RBMS3: variants seen among roughly 807,000 people sequenced by gnomAD.
RBMS3 encodes RNA binding motif single stranded interacting protein 3, also known as RNA-binding motif, single-stranded-interacting protein 3.
Under a neutral mutation model 66.8 loss-of-function variants are expected in RBMS3, and 27 were observed. That is an observed-to-expected ratio of 0.40 (90% CI 0.30 to 0.56). RBMS3 has a LOEUF of 0.56. Ranked by LOEUF, RBMS3 falls within the 20% of genes least tolerant of loss-of-function variation. The pLI is 0.40. For synonymous variants in RBMS3, 188 were observed against 183.0 expected (o/e 1.03, Z -0.22); for missense variants, 513 against 549.5 (o/e 0.93, Z 0.66).
chr3:29,388,600 A>G (rs2039121677), intron 1 of RBMS3, among the ~76,000 whole-genome samples: 1 of 152,124 alleles, frequency 6.6e-6, no homozygotes. Context: ...TTTGAGGCAG[A>G]GTCTTGCTCT....
chr3:29,892,843 G>GTATGTATGTATGTATTTATTTATT (rs1336972891), intron 8 of RBMS3, among the ~76,000 whole-genome samples: 6 of 137,434 alleles, frequency 4.4e-5, no homozygotes, highest in Admixed American at 3.7e-4. Context: ...ATGTATGTAT[G>GTATGTATGTATGTATTTATTTATT]TATTTATTTA....
chr3:29,603,302 C>G (rs1002345650), intron 4 of RBMS3, among the ~76,000 whole-genome samples: 1 of 152,002 alleles, frequency 6.6e-6, no homozygotes, highest in Non-Finnish European at 1.5e-5. Context: ...TATCCTATCT[C>G]ATGTCTAACT....
intron 6 of RBMS3, among the ~76,000 whole-genome samples, chr3:29,781,215 C>A (rs2149410084): frequency 1.3e-5 from 2 of 150,564 alleles, no homozygotes; most frequent in African/African-American, 2.4e-5. Context: ...TCCCTCCCAC[C>A]CTTAATCATT....
chr3:29,961,596 G>A (rs1696451480), intron 12 of RBMS3, among the ~76,000 whole-genome samples: 1 of 152,002 alleles, frequency 6.6e-6, no homozygotes, highest in African/African-American at 2.4e-5. Flanking sequence ...GCAGGACTGG[G>A]GAGGCCTCGG....
intron 3 of RBMS3, among the ~76,000 whole-genome samples, chr3:29,536,340 A>T (rs1331701788): frequency 6.6e-6 from 1 of 152,228 alleles, no homozygotes; most frequent in Non-Finnish European, 1.5e-5. Context: ...AGTATTAATA[A>T]CATGCTAAAT....
Position 29,535,710 on chromosome 3 carries a change from C to CTTTTTTTTTTTTTTTTTTTTTTT in RBMS3, c.307+47220_307+47242dup, listed in dbSNP as rs149022808. 1.8e-4 allele frequency among the ~76,000 whole-genome samples: 7 copies of CTTTTTTTTTTTTTTTTTTTTTTT among 39,732 alleles called. 1 individual carries two copies. The highest frequency in any genetic ancestry group is 7.1e-4 in the African/African-American group (7 of 9,848). The allele number at this position is 39,732 out of a possible 152,430, so 26.1% of individuals were successfully genotyped here. A position where few individuals can be genotyped will look rare whatever the true frequency, so the allele number is the denominator to read the frequency against. On this transcript the variant is annotated intron_variant, in intron 3 of 14. Transcript: ENST00000383767. ...GAGTTCAATGATTGAGATCATTGCT[C>CTTTTTTTTTTTTTTTTTTTTTTT]TTTTTTTTTTTTTTTTTTTTTTTTT...
intron 3 of RBMS3, among the ~76,000 whole-genome samples, chr3:29,542,430 G>A (rs537876321): frequency 2.0e-5 from 3 of 152,094 alleles, no homozygotes; most frequent in South Asian, 2.1e-4. Context: ...GTGCAATCTC[G>A]GCTCACTGCA....
chr3:29,377,241 C>A (rs1316118616), intron 1 of RBMS3, among the ~76,000 whole-genome samples: 3 of 152,126 alleles, frequency 2.0e-5, no homozygotes, highest in African/African-American at 4.8e-5. Flanking sequence ...AGCAGCAGAG[C>A]CTCTACCAAA....
chr3:29,743,081 C>T (rs576623124), intron 5 of RBMS3, among the ~76,000 whole-genome samples: 1 of 152,160 alleles, frequency 6.6e-6, no homozygotes, highest in East Asian at 1.9e-4. Context: ...GAGCAGAATC[C>T]CATATAATTA....
At chr3:29,368,295 G>A (rs2125595697) in intron 1 of RBMS3, among the ~76,000 whole-genome samples, 1 of 152,264 alleles carries the variant, frequency 6.6e-6, no homozygotes, top group East Asian at 1.9e-4. Context: ...AATCCTATTA[G>A]TACTTAGCCT....
At chr3:29,481,827 T>G (rs1052201173) in intron 2 of RBMS3, among the ~76,000 whole-genome samples, 2 of 152,230 alleles carry the variant, frequency 1.3e-5, no homozygotes, top group Admixed American at 1.3e-4. Flanking sequence ...TATTATTTTA[T>G]GCTATACAGT....
rs976619858 is a variant in RBMS3 at position 29,739,619 on chromosome 3, G to T, written c.400-101G>T. 9 of 1,101,504 alleles carry T rather than the reference G, an allele frequency of 8.2e-6. No homozygotes were observed. The African/African-American group carries it at 9.5e-5, about 12-fold the overall frequency. 68.2% of individuals were successfully genotyped at this position (1,101,504 alleles called of 1,614,324 possible). On this transcript the variant is annotated intron_variant, in intron 4 of 14. Coordinates refer to ENST00000383767, the MANE Select transcript of RBMS3 (RefSeq NM_001003793.3). ...TGAAAGCACTTTCAAGAGCATTTTG[G>T]AGATTATTATCTAGATTGCAGTTTA...
chr3:29,726,387 G>C (rs906649861), intron 4 of RBMS3, among the ~76,000 whole-genome samples: 6 of 152,074 alleles, frequency 3.9e-5, no homozygotes, highest in African/African-American at 9.7e-5. Flanking sequence ...AGAAATAAAG[G>C]GTATTCAAAT....
chr3:29,616,122 C>T (rs1206050536), intron 4 of RBMS3: 1 of 152,142 alleles, frequency 6.6e-6, no homozygotes, highest in East Asian at 1.9e-4. Flanking sequence ...GTTCTCCTTT[C>T]CTCTAGTTTT....
At chr3:29,396,330 G>A (rs34146258) in intron 1 of RBMS3, among the ~76,000 whole-genome samples, 17,213 of 152,136 alleles carry the variant, frequency 0.11, 1,387 homozygotes, top group Admixed American at 0.25. Context: ...CCAAAGACAT[G>A]TTCCAGGTTA....
chr3:29,492,171 C>T (rs2043573675), intron 3 of RBMS3, among the ~76,000 whole-genome samples: 1 of 152,158 alleles, frequency 6.6e-6, no homozygotes. Flanking sequence ...TCATCAAGCA[C>T]ATCATGGGGG....
chr3:29,719,720 A>G (rs913687800), intron 4 of RBMS3, among the ~76,000 whole-genome samples: 1 of 152,172 alleles, frequency 6.6e-6, no homozygotes, highest in African/African-American at 2.4e-5. Flanking sequence ...AAACCCTGAG[A>G]TCATCCTTGG....
At chr3:29,503,080 G>T (rs2044038847) in intron 3 of RBMS3, among the ~76,000 whole-genome samples, 1 of 151,994 alleles carries the variant, frequency 6.6e-6, no homozygotes, top group Non-Finnish European at 1.5e-5. Flanking sequence ...ATGTTTGGGG[G>T]TCATTATCTT....
chr3:29,928,341 G>C lies in RBMS3; in HGVS notation c.940-7745G>C, dbSNP rs975380337. 2.9e-5 allele frequency among the ~76,000 whole-genome samples: 3 copies of C among 104,376 alleles called. No individual in the cohort carries two copies. In the South Asian group the frequency reaches 1.2e-3, roughly 40 times the overall value. 68.5% of individuals were successfully genotyped at this position (104,376 alleles called of 152,430 possible). A position where few individuals can be genotyped will look rare whatever the true frequency, so the allele number is the denominator to read the frequency against. On this transcript the variant is annotated intron_variant, in intron 10 of 14. Transcript: ENST00000383767. ...TAATTTTTTATTATGAAATATATTT[G>C]GTGGGTAGAGATCAATGGTTTTCTT...
Sources: allele counts gnomAD v4.1 joint callset (sites outside exome capture counted in the v4.1 genomes callset), GRCh38; gene constraint gnomAD v4.1.1; transcripts MANE v1.5; gene names NCBI Gene and HGNC (gene_info 2026-07-23, HGNC 2026-07-21).